Variants in PCDHGC3 observed in about 807,000 individuals in gnomAD.
The protein encoded by PCDHGC3 is protocadherin gamma-C3.
In PCDHGC3, 26 loss-of-function variants were observed where a neutral mutation model predicts 59.2. The ratio of observed to expected loss-of-function variants is 0.44; its 90% CI spans 0.32 to 0.61. The LOEUF is 0.61. Among genes scored for constraint, PCDHGC3 ranks in the 20% least tolerant of loss-of-function variants. The pLI is 0.05. For synonymous variants in PCDHGC3, 487 were observed against 519.7 expected, an observed-to-expected ratio of 0.94 and a Z score of 0.86; for missense variants, 1,080 against 1,221.8, an observed-to-expected ratio of 0.88 and a Z score of 1.73.
At position 141,491,686 on chromosome 5, in the gene PCDHGC3, C is replaced by CG; in HGVS notation, c.2431-3118dup. 1 of 1,612,970 alleles carries CG rather than the reference C, an allele frequency of 6.2e-7. No individual in the cohort carries two copies. The highest frequency in any genetic ancestry group is 2.2e-5 in the East Asian group (1 of 44,838). ...CATCCGGTCCCGCTCTAATACGCTG[C>CG]GGGAGCGGAGCCAGGTGAGGGGCTC... On this transcript the variant is annotated intron_variant, in intron 1 of 3. Transcript: ENST00000308177. The surrounding 1 kb of genome is among the most constrained non-coding windows in gnomAD (Gnocchi z 6.9).
At chr5:141,503,814 T>C (rs539980053) in intron 2 of PCDHGC3, among the ~76,000 whole-genome samples, 2 of 152,100 alleles carry the variant, frequency 1.3e-5, no homozygotes, top group East Asian at 3.9e-4. Flanking sequence ...GAATCCCAGA[T>C]TGGGCAAAAC....
Position 141,490,760 on chromosome 5 carries a change from T to G in PCDHGC3, c.2431-4047T>G. 1 of 1,614,070 alleles carries G rather than the reference T, an allele frequency of 6.2e-7. No individual in the cohort carries two copies. On this transcript the variant is annotated intron_variant, in intron 1 of 3. Coordinates refer to ENST00000308177, the MANE Select transcript of PCDHGC3 (RefSeq NM_002588.4). This position sits in a 1 kb window ranked among gnomAD's most constrained non-coding sequence, Gnocchi z 5.4. Reference sequence around the variant, plus strand: ...CAGGGAGCCCCAGCCTCCTCCTTTGTGTATGTCAACCCAGAGGATGGACGG... The same window carrying G: ...CAGGGAGCCCCAGCCTCCTCCTTTGGGTATGTCAACCCAGAGGATGGACGG...
intron 3 of PCDHGC3, among the ~76,000 whole-genome samples, chr5:141,509,450 C>A (rs2099876883): frequency 6.6e-6 from 1 of 152,128 alleles, no homozygotes; most frequent in Non-Finnish European, 1.5e-5. Context: ...CCTCTCCCAC[C>A]CCCGACCCAG....
intron 1 of PCDHGC3, among the ~76,000 whole-genome samples, chr5:141,481,241 A>C (rs557107835): frequency 2.0e-5 from 3 of 152,350 alleles, no homozygotes; most frequent in South Asian, 2.1e-4. Flanking sequence ...AGTATTACAT[A>C]GCATAGCTCT....
At position 141,511,211 on chromosome 5, in the gene PCDHGC3, C is replaced by G; in HGVS notation, c.*38C>G. ...GCCAAGAGCCACAGGGCGGCCTCTC[C>G]CCAACCAGCCCAGCTTCTCCTTACC... On this transcript the variant is annotated 3_prime_UTR_variant, in exon 4 of 4. Transcript: ENST00000308177. The G allele has an allele frequency of 6.2e-7, 1 of 1,608,626 alleles. No individual in the cohort carries two copies. The highest frequency in any genetic ancestry group is 8.5e-7 in the Non-Finnish European group (1 of 1,177,476).
In PCDHGC3 at chr5:141,486,913, G is replaced by A. The variant is rs2099636995; in HGVS notation, c.2431-7894G>A. ...CTGGTTCCTTATGTCCCCAAGCACT[G>A]CCTCCATCAGTTGGTGCTGGCCACC... On this transcript the variant is annotated intron_variant, in intron 1 of 3. Transcript: ENST00000308177. The surrounding 1 kb of genome is among the most constrained non-coding windows in gnomAD (Gnocchi z 5.0). The A allele has an allele frequency of 1.9e-6, 3 of 1,614,092 alleles. No individual in the cohort carries two copies. The highest frequency in any genetic ancestry group is 1.3e-5 in the African/African-American group (1 of 74,938).
At position 141,485,833 on chromosome 5, in the gene PCDHGC3, G is replaced by A. The variant is rs780944737; in HGVS notation, c.2430+7287G>A. 64 of 1,613,904 alleles carry A rather than the reference G, an allele frequency of 4.0e-5. No homozygotes were observed. Among genetic ancestry groups the A allele is most frequent in the Non-Finnish European group, 2.5e-6 (3 of 1,180,004 alleles). On this transcript the variant is annotated intron_variant, in intron 1 of 3. Coordinates refer to ENST00000308177, the MANE Select transcript of PCDHGC3 (RefSeq NM_002588.4). This position sits in a 1 kb window ranked among gnomAD's most constrained non-coding sequence, Gnocchi z 5.7. Reference sequence around the variant, plus strand: ...TGACTGCTGTCGATGGAGGGAACCCGCCGAGATCTGGCACCGCAGAGCTCC... The same window carrying A: ...TGACTGCTGTCGATGGAGGGAACCCACCGAGATCTGGCACCGCAGAGCTCC...
At chr5:141,480,702 C>T (rs1455955207) in intron 1 of PCDHGC3, among the ~76,000 whole-genome samples, 1 of 152,170 alleles carries the variant, frequency 6.6e-6, no homozygotes, top group African/African-American at 2.4e-5. Context: ...AGGCCACACC[C>T]CGACAAATGA....
chr5:141,481,200 T>A (rs977235584), intron 1 of PCDHGC3, among the ~76,000 whole-genome samples: 2 of 152,178 alleles, frequency 1.3e-5, no homozygotes, highest in Non-Finnish European at 2.9e-5. Flanking sequence ...CCAATTTTTT[T>A]AAAAAACATG....
chr5:141,498,093 G>T (rs975304630), intron 2 of PCDHGC3, among the ~76,000 whole-genome samples: 4 of 152,220 alleles, frequency 2.6e-5, no homozygotes, highest in Admixed American at 1.3e-4. Context: ...AATTGTATCT[G>T]GTGGTGTGGG....
chr5:141,494,935 G>A, intron 2 of PCDHGC3, 70 bp downstream of exon 2: 1 of 1,612,482 alleles, frequency 6.2e-7, no homozygotes, highest in Non-Finnish European at 8.5e-7. Flanking sequence ...GGGAGGAGAT[G>A]GGGGAGGGCC....
rs748017565 is a variant in PCDHGC3 at position 141,477,404 on chromosome 5, C to G, written c.1288C>G (p.Arg430Gly). ...VPEYNLSITA[R>G]DAGTPSLSAL... is the part of the protein sequence containing the mutation. ...AGAATACAACCTCAGCATCACCGCCCGAGACGCCGGAACCCCTTCCCTCTC... is the reference window on the plus strand; with the variant it reads ...AGAATACAACCTCAGCATCACCGCCGGAGACGCCGGAACCCCTTCCCTCTC... The change falls in exon 1 of 4, where the codon CGA becomes GGA. Residue 430 changes from arginine to glycine, a missense_variant. By Grantham distance (125) the Arg-to-Gly change is moderately radical (BLOSUM62 -2). Coordinates refer to ENST00000308177, the MANE Select transcript of PCDHGC3 (RefSeq NM_002588.4). The surrounding 1 kb of genome is among the most constrained non-coding windows in gnomAD (Gnocchi z 4.9). The G allele has an allele frequency of 1.9e-6, 3 of 1,614,042 alleles. No homozygotes were observed. Among genetic ancestry groups the G allele is most frequent in the African/African-American group, 1.3e-5 (1 of 74,902 alleles).
rs9324852 is a variant in PCDHGC3, at chr5:141,510,333, C to T, written c.2579-614C>T. On this transcript the variant is annotated intron_variant, in intron 3 of 3. Coordinates refer to ENST00000308177, the MANE Select transcript of PCDHGC3 (RefSeq NM_002588.4). ...AGGCTTGGAAGAGCACTCTTCACCC[C>T]CACCCCACACACTTACTAACGGAAC... Among the ~76,000 whole-genome samples the T allele has an allele frequency of 2.4e-3, 367 of 151,698 alleles. 1 individual carries two copies. Among genetic ancestry groups the T allele is most frequent in the African/African-American group, 8.4e-3 (348 of 41,384 alleles).
At position 141,490,376 on chromosome 5, in the gene PCDHGC3, CA is replaced by C; in HGVS notation, c.2431-4430del. 1 of 1,614,184 alleles carries C rather than the reference CA, an allele frequency of 6.2e-7. No individual in the cohort carries two copies. Among genetic ancestry groups the C allele is most frequent in the African/African-American group, 1.3e-5 (1 of 75,030 alleles). On this transcript the variant is annotated intron_variant, in intron 1 of 3. Coordinates refer to ENST00000308177, the MANE Select transcript of PCDHGC3 (RefSeq NM_002588.4). This position sits in a 1 kb window ranked among gnomAD's most constrained non-coding sequence, Gnocchi z 5.4. ...TTGTTTAATGTGCGAGACCGGGACTCAGGTAGAAATGGTGAAGTGAGCCTTG... is the reference window on the plus strand; with the variant it reads ...TTGTTTAATGTGCGAGACCGGGACTCGGTAGAAATGGTGAAGTGAGCCTTG...
chr5:141,502,629 G>A (rs1368174848), intron 2 of PCDHGC3, among the ~76,000 whole-genome samples: 1 of 152,096 alleles, frequency 6.6e-6, no homozygotes, highest in Non-Finnish European at 1.5e-5. Context: ...GTAATCTGTG[G>A]ATGATACTTT....
Position 141,489,515 on chromosome 5 carries a change from G to C in PCDHGC3, c.2431-5292G>C, listed in dbSNP as rs983415025. On this transcript the variant is annotated intron_variant, in intron 1 of 3. Coordinates refer to ENST00000308177, the MANE Select transcript of PCDHGC3 (RefSeq NM_002588.4). The surrounding 1 kb of genome is among the most constrained non-coding windows in gnomAD (Gnocchi z 4.5). ...CTGGCAGTGAATCAAAAGATTGACC[G>C]AGAAAGCCTATGTGGAGCCAGCACC... 1 of 1,614,104 alleles carries C rather than the reference G, an allele frequency of 6.2e-7. No individual in the cohort carries two copies. The highest frequency in any genetic ancestry group is 8.5e-7 in the Non-Finnish European group (1 of 1,180,034).
In PCDHGC3 at chr5:141,478,535, C is replaced by G. The variant is rs1359742091; in HGVS notation, c.2419C>G (p.Pro807Ala). 6.2e-7 allele frequency: 1 copy of G among 1,607,794 alleles called. No homozygotes were observed. Among genetic ancestry groups the G allele is most frequent in the Non-Finnish European group, 8.5e-7 (1 of 1,176,936 alleles). ...GCAGGTGTTGGGTGCAGAGAGCGCC[C>G]CTCCCGGACAGGTAAGGTTTAGCAA... is the stretch of plus-strand genomic sequence containing the variant. Reference protein sequence around the residue: ...YRQVLGAESAPPGQQAPPNTD... With the variant: ...YRQVLGAESAAPGQQAPPNTD... Residue 807 changes from proline to alanine, a missense_variant, in exon 1 of 4, where the codon CCT (proline) becomes GCT (alanine). Coordinates refer to ENST00000308177, the MANE Select transcript of PCDHGC3 (RefSeq NM_002588.4).
chr5:141,506,584 G>A (rs1413313164), intron 3 of PCDHGC3, among the ~76,000 whole-genome samples: 1 of 152,098 alleles, frequency 6.6e-6, no homozygotes, highest in African/African-American at 2.4e-5. Context: ...ACTATTAATG[G>A]GCACAGTATT....
chr5:141,498,880 C>G (rs1334510457), intron 2 of PCDHGC3, among the ~76,000 whole-genome samples: 1 of 150,028 alleles, frequency 6.7e-6, no homozygotes, highest in African/African-American at 2.4e-5. Flanking sequence ...TTGCAGTGAG[C>G]TGAGATCACA....
Sources: allele counts gnomAD v4.1 joint callset (sites outside exome capture counted in the v4.1 genomes callset), GRCh38; gene constraint gnomAD v4.1.1; non-coding constraint Gnocchi (gnomAD v3.1); transcripts MANE v1.5; gene names NCBI Gene and HGNC (gene_info 2026-07-23, HGNC 2026-07-21).